TAPBPL: variants seen among roughly 807,000 people sequenced by gnomAD.
TAPBPL encodes tapasin-related protein.
TAPBPL carries 32 observed loss-of-function variants against 44.8 expected under a neutral mutation model. That is an observed-to-expected ratio of 0.71 (90% confidence interval 0.54 to 0.96). The LOEUF is 0.96. Ranked by LOEUF, TAPBPL falls within the 40% of genes least tolerant of loss-of-function variation. TAPBPL has a pLI of 0.00. For synonymous variants in TAPBPL, 230 were observed against 240.7 expected (o/e 0.96, Z 0.41); for missense variants, 520 against 586.6 (o/e 0.89, Z 1.17).
chr12:6,466,482 A>C, downstream of TAPBPL: 2 of 986,586 alleles, frequency 2.0e-6, no homozygotes, highest in South Asian at 3.5e-5. Context: ...CAGGAGTTCG[A>C]GGCCAGCCTG....
At chr12:6,459,724 T>TTTTATTTA (rs143107897) in intron 5 of TAPBPL, among the ~76,000 whole-genome samples, 227 of 146,182 alleles carry the variant, frequency 1.6e-3, no homozygotes, top group Middle Eastern at 3.4e-3. Flanking sequence ...TGTTGAAAGG[T>TTTTATTTA]TTTATTTATT....
intron 4 of TAPBPL, among the ~76,000 whole-genome samples, chr12:6,457,985 G>A (rs780359036): frequency 6.6e-6 from 1 of 152,132 alleles, no homozygotes; most frequent in African/African-American, 2.4e-5. Context: ...GTGGCTGGCT[G>A]TCTCCATCAC....
chr12:6,464,261 G>A (rs141124646), downstream of TAPBPL: 29 of 1,526,060 alleles, frequency 1.9e-5, no homozygotes, highest in Middle Eastern at 1.7e-4. Flanking sequence ...GTTGCTCTTC[G>A]GGTAATGACT....
chr12:6,466,095 T>C, downstream of TAPBPL: 1 of 1,610,792 alleles, frequency 6.2e-7, no homozygotes. Flanking sequence ...CCTGTGCAAC[T>C]CTAAAGGGTG....
At chr12:6,455,282 A>G (rs2532496) in intron 3 of TAPBPL, among the ~76,000 whole-genome samples, 43,050 of 152,084 alleles carry the variant, frequency 0.28, 6,257 homozygotes, top group South Asian at 0.41. Context: ...ACGCATGTTT[A>G]AACCCCAAAT....
chr12:6,459,765 T>TTTA (rs947545313), intron 5 of TAPBPL, among the ~76,000 whole-genome samples: 4 of 119,636 alleles, frequency 3.3e-5, no homozygotes, highest in African/African-American at 2.0e-4. Flanking sequence ...TATTTATTTA[T>TTTA]TTTATTTTAT....
At chr12:6,464,753 C>T, downstream of TAPBPL, 5 of 1,529,580 alleles carry the variant, frequency 3.3e-6, no homozygotes, top group Non-Finnish European at 4.4e-6. Context: ...CCGTCCCGAA[C>T]CAGGTGACGA....
chr12:6,470,319 GC>G (rs1945739149), downstream of TAPBPL, among the ~76,000 whole-genome samples: 1 of 152,102 alleles, frequency 6.6e-6, no homozygotes, highest in African/African-American at 2.4e-5. Context: ...CTGCGCCCCT[GC>G]CCCGCCCGTG....
intron 3 of TAPBPL, among the ~76,000 whole-genome samples, chr12:6,457,039 A>G (rs1360523590): frequency 6.6e-6 from 1 of 152,228 alleles, no homozygotes; most frequent in Non-Finnish European, 1.5e-5. Flanking sequence ...TGACTTGTCA[A>G]AGGTCACGGA....
downstream of TAPBPL, chr12:6,463,708 A>G: frequency 8.8e-7 from 1 of 1,141,010 alleles, no homozygotes; most frequent in Non-Finnish European, 1.1e-6. This position sits in a 1 kb window ranked among gnomAD's most constrained non-coding sequence, Gnocchi z 4.0. Flanking sequence ...GTGCCCTCAT[A>G]CAGAATGCTG....
Position 6,458,703 on chromosome 12 carries a change from C to T in TAPBPL, c.963C>T (p.Cys321=), listed in dbSNP as rs755701127. The T allele has an allele frequency of 1.4e-5, 22 of 1,614,030 alleles. No homozygotes were observed. In the South Asian group the frequency reaches 1.8e-4, roughly 13 times the overall value. The part of the protein sequence containing the change: ...ANEALLPTLI[C]DIAGYYPLDV... Reference sequence around the variant, plus strand: ...AAGCTCTGCTGCCCACCCTCATCTGCGACATTGCTGGCTATTACCCTCTGG... The same window carrying T: ...AAGCTCTGCTGCCCACCCTCATCTGTGACATTGCTGGCTATTACCCTCTGG... Residue 321 remains cysteine, a synonymous_variant, in exon 5 of 7, where the codon TGC becomes TGT. Transcript: ENST00000266556.
At chr12:6,459,078 G>C in intron 5 of TAPBPL, 131 bp downstream of exon 5, 1 of 1,060,376 alleles carries the variant, frequency 9.4e-7, no homozygotes, top group Admixed American at 2.8e-5. Flanking sequence ...TCCTGCCTCT[G>C]CTCCTGACTA....
downstream of TAPBPL, chr12:6,464,866 A>G (rs1418099689): frequency 6.2e-7 from 1 of 1,613,958 alleles, no homozygotes; most frequent in African/African-American, 1.3e-5. Context: ...TCTTCACCCC[A>G]CCAGCAACTT....
In TAPBPL at chr12:6,458,641, C is replaced by G. The variant is rs1197935380; in HGVS notation, c.905-4C>G. The G allele has an allele frequency of 6.2e-7, 1 of 1,612,070 alleles. No individual in the cohort carries two copies. Among genetic ancestry groups the G allele is most frequent in the Non-Finnish European group, 8.5e-7 (1 of 1,178,386 alleles). ...TGTAATCTTATTCCTCATTCTTTCT[C>G]CAGCTTCCCCTAAAGTACGACTGAG... On this transcript the variant is annotated splice_region_variant and splice_polypyrimidine_tract_variant and intron_variant, in intron 4 of 6. Transcript: ENST00000266556.
At position 6,462,233 on chromosome 12, in the gene TAPBPL, C is replaced by T; in HGVS notation, c.*84C>T. On this transcript the variant is annotated 3_prime_UTR_variant, in exon 7 of 7. Transcript: ENST00000266556. ...TACTCCAACCCAAACAACAACCAAG[C>T]CAGTTTAATGGTAGGAATTTGTATT... 1 of 1,184,058 alleles carries T rather than the reference C, an allele frequency of 8.4e-7. No individual in the cohort carries two copies. Among genetic ancestry groups the T allele is most frequent in the African/African-American group, 1.5e-5 (1 of 64,596 alleles). 73.3% of individuals were successfully genotyped at this position (1,184,058 alleles called of 1,614,324 possible).
At chr12:6,465,044 G>C, downstream of TAPBPL, 1 of 1,549,026 alleles carries the variant, frequency 6.5e-7, no homozygotes, top group Non-Finnish European at 8.7e-7. Flanking sequence ...TGGGACAATG[G>C]AAAAAACCAC....
chr12:6,469,795 C>T (rs746888602), downstream of TAPBPL, among the ~76,000 whole-genome samples: 4 of 152,196 alleles, frequency 2.6e-5, no homozygotes, highest in Non-Finnish European at 5.9e-5. Flanking sequence ...ATGTTGAAGA[C>T]TGCTGGAGAC....
Position 6,457,728 on chromosome 12 carries a change from C to G in TAPBPL, c.888C>G (p.Ile296Met), listed in dbSNP as rs1448027740. 2 of 1,587,680 alleles carry G rather than the reference C, an allele frequency of 1.3e-6. No homozygotes were observed. Among genetic ancestry groups the G allele is most frequent in the East Asian group, 2.3e-5 (1 of 44,380 alleles). The change falls in exon 4 of 7, where the codon ATC becomes ATG. Residue 296 changes from isoleucine (I) to methionine (M), a missense_variant. Ile to Met is a conservative substitution (Grantham distance 10). Coordinates refer to ENST00000266556, the MANE Select transcript of TAPBPL (RefSeq NM_018009.5). ...TTSLYRAQQIIQLNIQASPKV... is the reference protein window; with the variant it reads ...TTSLYRAQQIMQLNIQASPKV... ...CTCTGTACCGAGCTCAGCAGATCAT[C>G]CAGCTCAACATCCAAGGTGAGGCCA...
chr12:6,452,118 C>A lies in TAPBPL; in HGVS notation c.-131C>A, dbSNP rs1287831955. 1.8e-6 allele frequency: 2 copies of A among 1,119,808 alleles called. No homozygotes were observed. The highest frequency in any genetic ancestry group is 2.1e-5 in the Admixed American group (1 of 46,758). The allele number at this position is 1,119,808 out of a possible 1,614,324, so 69.4% of individuals were successfully genotyped here. ...AAAGAAAAGTCGGCAGCAGAGGGAACAGGGAAGAAACCTAAAGGCTGCAGG... is the reference window on the plus strand; with the variant it reads ...AAAGAAAAGTCGGCAGCAGAGGGAAAAGGGAAGAAACCTAAAGGCTGCAGG... On this transcript the variant is annotated 5_prime_UTR_variant, in exon 1 of 7. Transcript: ENST00000266556.
Sources: allele counts gnomAD v4.1 joint callset (sites outside exome capture counted in the v4.1 genomes callset), GRCh38; gene constraint gnomAD v4.1.1; non-coding constraint Gnocchi (gnomAD v3.1); transcripts MANE v1.5; gene names NCBI Gene and HGNC (gene_info 2026-07-23, HGNC 2026-07-21).